Variants in LDLRAD4 observed in about 807,000 individuals in gnomAD.
LDLRAD4 encodes the protein low-density lipoprotein receptor class A domain-containing protein 4.
In LDLRAD4, 5 loss-of-function variants were observed where a neutral mutation model predicts 17.0. The observed-to-expected ratio is 0.29, with a 90% CI of 0.15 to 0.62. The LOEUF is 0.62. LDLRAD4 is among the 20% of genes least tolerant of loss of function. The pLI, the probability that LDLRAD4 is intolerant of heterozygous loss-of-function variation, is 0.84. For missense variants in LDLRAD4, 340 were observed against 424.7 expected (o/e 0.80, Z 1.75); for synonymous variants, 168 against 171.8 (o/e 0.98, Z 0.17).
At chr18:13,504,508 A>G (rs1301880514) in intron 3 of LDLRAD4, among the ~76,000 whole-genome samples, 1 of 152,120 alleles carries the variant, frequency 6.6e-6, no homozygotes, top group Non-Finnish European at 1.5e-5. Flanking sequence ...GCTCACTGCA[A>G]CCTCTGCGTC....
At chr18:13,508,494 C>G (rs909791255) in intron 3 of LDLRAD4, among the ~76,000 whole-genome samples, 4 of 152,206 alleles carry the variant, frequency 2.6e-5, no homozygotes, top group Admixed American at 2.0e-4. Flanking sequence ...AAATTTCTCA[C>G]TAGGGGCTAA....
At chr18:13,226,179 G>GTTTTTT (rs1243883704) in intron 1 of LDLRAD4, among the ~76,000 whole-genome samples, 1 of 11,478 alleles carries the variant, frequency 8.7e-5, no homozygotes, top group Non-Finnish European at 2.6e-4. Flanking sequence ...GCCATGCCTT[G>GTTTTTT]CTTTTTTTTT....
intron 3 of LDLRAD4, chr18:13,465,045 C>A (rs545734765): frequency 6.6e-6 from 1 of 152,320 alleles, no homozygotes; most frequent in African/African-American, 2.4e-5. Context: ...GAAACGATGG[C>A]GCGAGGCCGC....
intron 1 of LDLRAD4, among the ~76,000 whole-genome samples, chr18:13,356,212 G>A (rs1269021540): frequency 6.6e-6 from 1 of 152,224 alleles, no homozygotes; most frequent in South Asian, 2.1e-4. Flanking sequence ...TGGGATCTGG[G>A]GCAGGCCACT....
intron 1 of LDLRAD4, among the ~76,000 whole-genome samples, chr18:13,380,843 A>G (rs1009859039): frequency 1.3e-5 from 2 of 152,204 alleles, no homozygotes; most frequent in Non-Finnish European, 2.9e-5. Context: ...AAGTAACCAG[A>G]TCCCACTGAG....
intron 3 of LDLRAD4, among the ~76,000 whole-genome samples, chr18:13,545,517 C>T (rs1437822721): frequency 6.6e-6 from 1 of 152,154 alleles, no homozygotes; most frequent in Non-Finnish European, 1.5e-5. Flanking sequence ...GTCATCTTGT[C>T]TTGTCCTGCT....
At chr18:13,227,507 C>T (rs2041870967) in intron 1 of LDLRAD4, among the ~76,000 whole-genome samples, 1 of 152,206 alleles carries the variant, frequency 6.6e-6, no homozygotes, top group African/African-American at 2.4e-5. Flanking sequence ...TTCCACCTGG[C>T]ATTGCCTGGT....
chr18:13,225,518 G>A (rs1391501785), intron 1 of LDLRAD4, among the ~76,000 whole-genome samples: 2 of 152,240 alleles, frequency 1.3e-5, no homozygotes, highest in Non-Finnish European at 2.9e-5. Flanking sequence ...TAGAGAGACT[G>A]TCCTGGTCTG....
In LDLRAD4 at chr18:13,223,307, G is replaced by A. The variant is rs149556236; in HGVS notation, c.-467+4319G>A. On this transcript the variant is annotated intron_variant, in intron 1 of 5. Transcript: ENST00000399848. Reference sequence around the variant, plus strand: ...AGTCTCCTGAAAGTAGGCCTTGAGAGAAAGAAATTCTTCCCACTCACACTG... The same window carrying A: ...AGTCTCCTGAAAGTAGGCCTTGAGAAAAAGAAATTCTTCCCACTCACACTG... 6.6e-5 allele frequency among the ~76,000 whole-genome samples: 10 copies of A among 152,336 alleles called. No individual in the cohort carries two copies. In the Middle Eastern group the frequency reaches 0.01, roughly 155 times the overall value.
intron 1 of LDLRAD4, among the ~76,000 whole-genome samples, chr18:13,251,758 C>T (rs1232080749): frequency 6.6e-6 from 1 of 152,220 alleles, no homozygotes; most frequent in Non-Finnish European, 1.5e-5. Context: ...GGAAGAAGTA[C>T]TGTATGGTTC....
At chr18:13,368,319 G>C (rs1243896542) in intron 1 of LDLRAD4, among the ~76,000 whole-genome samples, 2 of 152,054 alleles carry the variant, frequency 1.3e-5, no homozygotes, top group African/African-American at 4.8e-5. Context: ...AGAGTCGGGG[G>C]CCCTGCAGAG....
At chr18:13,616,414 G>A (rs1444055086) in intron 3 of LDLRAD4, among the ~76,000 whole-genome samples, 8 of 152,208 alleles carry the variant, frequency 5.3e-5, no homozygotes, top group Non-Finnish European at 1.0e-4. Context: ...GCCCTGCCTG[G>A]GGAGGCTTTG....
At position 13,222,422 on chromosome 18, in the gene LDLRAD4, C is replaced by T. The variant is rs142051748; in HGVS notation, c.-467+3434C>T. On this transcript the variant is annotated intron_variant, in intron 1 of 5. Transcript: ENST00000399848. ...TCTGCTGGAAAAAGAGAAGCATTTACGAAACTTTAAGTTTGTCAGACAGTT... is the reference window on the plus strand; with the variant it reads ...TCTGCTGGAAAAAGAGAAGCATTTATGAAACTTTAAGTTTGTCAGACAGTT... 1.4e-3 allele frequency among the ~76,000 whole-genome samples: 216 copies of T among 151,778 alleles called. 3 individuals are homozygous for T. The East Asian group carries it at 0.036, about 26-fold the overall frequency.
intron 1 of LDLRAD4, among the ~76,000 whole-genome samples, chr18:13,229,318 C>T (rs1307468716): frequency 6.6e-6 from 1 of 152,236 alleles, no homozygotes; most frequent in Non-Finnish European, 1.5e-5. Context: ...GGGAAGGTCA[C>T]TGACTCTCTA....
intron 3 of LDLRAD4, among the ~76,000 whole-genome samples, chr18:13,541,606 G>A (rs7228010): frequency 0.46 from 70,600 of 152,008 alleles, 17,669 homozygotes; most frequent in Middle Eastern, 0.67. Context: ...CACTCTGCAC[G>A]TTTCTACTAA....
chr18:13,548,751 T>C (rs1164030071), intron 3 of LDLRAD4, among the ~76,000 whole-genome samples: 1 of 152,106 alleles, frequency 6.6e-6, no homozygotes, highest in Admixed American at 6.5e-5. Context: ...CCCCACCAAC[T>C]TGGAAAGGGT....
At chr18:13,376,347 C>T (rs2084909525) in intron 1 of LDLRAD4, among the ~76,000 whole-genome samples, 1 of 152,184 alleles carries the variant, frequency 6.6e-6, no homozygotes. Flanking sequence ...GGCGGTCAGG[C>T]TGGCGCGGCC....
intron 2 of LDLRAD4, among the ~76,000 whole-genome samples, chr18:13,397,699 A>G (rs556121184): frequency 3.2e-4 from 48 of 152,312 alleles, no homozygotes; most frequent in African/African-American, 1.1e-3. Context: ...TGAAAAAGCC[A>G]TGGGACCCAG....
intron 3 of LDLRAD4, among the ~76,000 whole-genome samples, chr18:13,603,444 C>T (rs1037875589): frequency 6.6e-6 from 1 of 152,330 alleles, no homozygotes; most frequent in East Asian, 1.9e-4. Flanking sequence ...GAGGAACAGG[C>T]TCTGGAGTCA....
Sources: allele counts gnomAD v4.1 joint callset (sites outside exome capture counted in the v4.1 genomes callset), GRCh38; gene constraint gnomAD v4.1.1; transcripts MANE v1.5; gene names NCBI Gene and HGNC (gene_info 2026-07-23, HGNC 2026-07-21).